DENND2A: variants seen among roughly 807,000 people sequenced by gnomAD.
DENND2A encodes DENN domain-containing protein 2A.
In DENND2A, 53 loss-of-function variants were observed where a neutral mutation model predicts 105.3. The observed-to-expected ratio is 0.50, with a 90% CI of 0.40 to 0.63. The LOEUF (loss-of-function observed/expected upper bound fraction) is 0.63, where lower values mean the gene tolerates loss of function less well. Among genes scored for constraint, DENND2A ranks in the 30% least tolerant of loss-of-function variants. DENND2A has a pLI of 0.00. For missense variants in DENND2A, 1,138 were observed against 1,279.6 expected (o/e 0.89, Z 1.69); for synonymous variants, 522 against 508.4 (o/e 1.03, Z -0.36).
chr7:140,587,691 C>T lies in DENND2A; in HGVS notation c.1085G>A (p.Arg362His), dbSNP rs948923920. 5 of 1,613,996 alleles carry T rather than the reference C, an allele frequency of 3.1e-6. No individual in the cohort carries two copies. Among genetic ancestry groups the T allele is most frequent in the South Asian group, 2.2e-5 (2 of 91,082 alleles). Reference sequence around the variant, plus strand: ...ATAGACGTTCTCCTCCGATAAAGTGCGTGTCAGCCCCAGCTTAGTCTGCGC... The same window carrying T: ...ATAGACGTTCTCCTCCGATAAAGTGTGTGTCAGCCCCAGCTTAGTCTGCGC... ...WYAQTKLGLTRTLSEENVYED... is the reference protein window; with the variant it reads ...WYAQTKLGLTHTLSEENVYED... The change falls in exon 4 of 20, where the codon CGC (arginine) becomes CAC (histidine). Residue 362 changes from arginine to histidine, a missense_variant. By Grantham distance (29) the Arg-to-His change is conservative. Coordinates refer to ENST00000496613, the MANE Select transcript of DENND2A (RefSeq NM_015689.5).
chr7:140,570,986 G>A (rs1798070921), intron 6 of DENND2A, among the ~76,000 whole-genome samples: 1 of 152,202 alleles, frequency 6.6e-6, no homozygotes, highest in Non-Finnish European at 1.5e-5. Context: ...CATGGCATAT[G>A]TGATTCAGAA....
In DENND2A at chr7:140,559,652, G is replaced by A. The variant is rs961813877; in HGVS notation, c.1889+56C>T. 45 of 1,307,890 alleles carry A rather than the reference G, an allele frequency of 3.4e-5. No homozygotes were observed. In the East Asian group the frequency reaches 4.9e-4, roughly 14 times the overall value. The allele number at this position is 1,307,890 out of a possible 1,614,324, so 81.0% of individuals were successfully genotyped here. A position where few individuals can be genotyped will look rare whatever the true frequency, so the allele number is the denominator to read the frequency against. ...CATGTGGTCTGCCACCTGTAACCCC[G>A]TCTCTAAGTCTCGCCTTAGTCTTTG... On this transcript the variant is annotated intron_variant, in intron 10 of 19. Coordinates refer to ENST00000496613, the MANE Select transcript of DENND2A (RefSeq NM_015689.5). The surrounding 1 kb of genome is among the most constrained non-coding windows in gnomAD (Gnocchi z 4.1).
chr7:140,584,156 T>G lies in DENND2A; in HGVS notation c.1245+1433A>C, dbSNP rs113926045. On this transcript the variant is annotated intron_variant, in intron 5 of 19. Transcript: ENST00000496613. Reference sequence around the variant, plus strand: ...ACTTGGGAGGCTAAGGCAGGAGAATTGCTTGAACCCGGGAGGTGGAGCTTG... The same window carrying G: ...ACTTGGGAGGCTAAGGCAGGAGAATGGCTTGAACCCGGGAGGTGGAGCTTG... Among the ~76,000 whole-genome samples, 5 of 132,040 alleles carry G rather than the reference T, an allele frequency of 3.8e-5. 1 individual carries two copies. The highest frequency in any genetic ancestry group is 1.4e-4 in the African/African-American group (4 of 27,868). 86.6% of individuals were successfully genotyped at this position (132,040 alleles called of 152,430 possible). A position where few individuals can be genotyped will look rare whatever the true frequency, so the allele number is the denominator to read the frequency against.
chr7:140,578,017 T>C (rs1191206535), intron 5 of DENND2A, among the ~76,000 whole-genome samples: 1 of 152,200 alleles, frequency 6.6e-6, no homozygotes, highest in Non-Finnish European at 1.5e-5. Context: ...AATCCCATTG[T>C]GTCCCTCTGG....
At chr7:140,632,818 G>C (rs570621034) in intron 1 of DENND2A, among the ~76,000 whole-genome samples, 158 of 149,700 alleles carry the variant, frequency 1.1e-3, no homozygotes, top group African/African-American at 3.6e-3. Context: ...GCCCACCTCA[G>C]CCTCCCAAAG....
At chr7:140,560,842 G>A (rs1295788035) in intron 9 of DENND2A, among the ~76,000 whole-genome samples, 1 of 152,022 alleles carries the variant, frequency 6.6e-6, no homozygotes, top group Non-Finnish European at 1.5e-5. Context: ...GCTGAGGCAT[G>A]AGAACTGCTT....
intron 14 of DENND2A, among the ~76,000 whole-genome samples, chr7:140,542,565 CTTTTTTTTTTT>C (rs771623397): frequency 8.9e-6 from 1 of 111,984 alleles, no homozygotes; most frequent in Non-Finnish European, 1.8e-5. Flanking sequence ...TTTTCTCTCT[CTTTTTTTTTTT>C]TTTTTTTTTT....
intron 1 of DENND2A, among the ~76,000 whole-genome samples, chr7:140,616,462 AGGTATGGATTTT>A (rs972896072): frequency 1.5e-4 from 23 of 152,136 alleles, no homozygotes; most frequent in Admixed American, 7.9e-4. Flanking sequence ...GACTGCTAAT[AGGTATGGATTTT>A]GGGGGCAGGA....
rs182263915 is a variant in DENND2A, at chr7:140,616,437, G to A, written c.-247-10631C>T. On this transcript the variant is annotated intron_variant, in intron 1 of 19. Transcript: ENST00000496613. ...GTGGTTGCCAGAGGCTAAGTGAGGCGGGGAAGTAAGAAGTGACTGCTAATA... is the reference window on the plus strand; with the variant it reads ...GTGGTTGCCAGAGGCTAAGTGAGGCAGGGAAGTAAGAAGTGACTGCTAATA... Among the ~76,000 whole-genome samples the A allele has an allele frequency of 3.3e-3, 498 of 152,144 alleles. 6 individuals carry two copies. The highest frequency in any genetic ancestry group is 0.011 in the African/African-American group (475 of 41,508).
At chr7:140,560,169 C>T (rs1797556109) in intron 9 of DENND2A, among the ~76,000 whole-genome samples, 1 of 152,224 alleles carries the variant, frequency 6.6e-6, no homozygotes, top group South Asian at 2.1e-4. Context: ...AATCAGGCCT[C>T]TCTGTCTCTG....
chr7:140,556,741 A>G (rs1036795895), intron 11 of DENND2A, among the ~76,000 whole-genome samples: 26 of 152,206 alleles, frequency 1.7e-4, no homozygotes, highest in Non-Finnish European at 3.4e-4. Context: ...TTAATTCAAA[A>G]AATGTTTCTT....
At chr7:140,571,450 C>A (rs1429812048) in intron 6 of DENND2A, among the ~76,000 whole-genome samples, 1 of 152,154 alleles carries the variant, frequency 6.6e-6, no homozygotes, top group East Asian at 1.9e-4. Context: ...GCATGAGCCA[C>A]CGTGTTGGCT....
rs187186300 is a variant in DENND2A at position 140,554,617 on chromosome 7, T to C, written c.2037+1019A>G. On this transcript the variant is annotated intron_variant, in intron 12 of 19. Coordinates refer to ENST00000496613, the MANE Select transcript of DENND2A (RefSeq NM_015689.5). ...CACCACTACACTCCGGCCTGGGTGA[T>C]AGAGTGAGACTCTGTCTCAAAAAAA... Among the ~76,000 whole-genome samples the C allele has an allele frequency of 3.9e-5, 6 of 152,230 alleles. No homozygotes were observed. In the East Asian group the frequency reaches 1.2e-3, roughly 29 times the overall value.
chr7:140,566,796 C>T (rs1251823563), intron 9 of DENND2A, among the ~76,000 whole-genome samples: 1 of 149,248 alleles, frequency 6.7e-6, no homozygotes, highest in Non-Finnish European at 1.5e-5. Context: ...AAGCGATTCT[C>T]CTGTCTCAGC....
intron 12 of DENND2A, among the ~76,000 whole-genome samples, chr7:140,551,556 T>G (rs1797141952): frequency 6.6e-6 from 1 of 152,110 alleles, no homozygotes; most frequent in Admixed American, 6.5e-5. Flanking sequence ...CTAGAGCAGC[T>G]AGACCAGCCT....
chr7:140,563,904 A>G (rs576862340), intron 9 of DENND2A, among the ~76,000 whole-genome samples: 16 of 152,164 alleles, frequency 1.1e-4, no homozygotes, highest in African/African-American at 3.9e-4. Flanking sequence ...ACTTGAGCCC[A>G]GGAGGTTGAG....
chr7:140,551,335 GA>G (rs1482393808), intron 12 of DENND2A, among the ~76,000 whole-genome samples: 12 of 150,636 alleles, frequency 8.0e-5, no homozygotes, highest in Admixed American at 5.3e-4. Context: ...AAGGAAAAAG[GA>G]AAAGAAAAAA....
chr7:140,566,684 ATTTTTT>A (rs3043058), intron 9 of DENND2A, among the ~76,000 whole-genome samples: 4 of 113,218 alleles, frequency 3.5e-5, no homozygotes, highest in South Asian at 2.8e-4. Context: ...TGGCCATACT[ATTTTTT>A]TTTTTTTTTT....
chr7:140,560,695 G>C (rs1585634006), intron 9 of DENND2A, among the ~76,000 whole-genome samples: 1 of 152,070 alleles, frequency 6.6e-6, no homozygotes, highest in African/African-American at 2.4e-5. Context: ...ACTTTGGGAA[G>C]CTGAGGTGGG....
Sources: gnomAD v4.1 joint callset for allele counts (sites outside exome capture counted in the v4.1 genomes callset) on GRCh38, gnomAD v4.1.1 for gene constraint, Gnocchi (gnomAD v3.1) non-coding constraint, MANE v1.5 for transcripts, NCBI Gene and HGNC (gene_info 2026-07-23, HGNC 2026-07-21) for gene names.